The following EPHA2 variants were observed in gnomAD, a reference collection of about 807,000 sequenced individuals.
EPHA2 encodes the protein EPH receptor A2.
Under a neutral mutation model 104.9 loss-of-function variants are expected in EPHA2, and 54 were observed. The observed-to-expected ratio is 0.51, with a 90% CI of 0.41 to 0.65. The LOEUF (loss-of-function observed/expected upper bound fraction) is 0.65, where lower values mean the gene tolerates loss of function less well. Ranked by LOEUF, EPHA2 falls within the 30% of genes least tolerant of loss-of-function variation. The pLI, the probability that EPHA2 is intolerant of heterozygous loss-of-function variation, is 0.00. For synonymous variants in EPHA2, 560 were observed against 559.1 expected (o/e 1.00, Z -0.02); for missense variants, 1,117 against 1,369.5 (o/e 0.82, Z 2.91).
rs2124201005 is a variant in EPHA2 at position 16,132,223 on chromosome 1, G to A, written c.2166C>T (p.Gly722=). ...SVLQLVGMLR[G]IAAGMKYLAN... ...CCAGGTACTTCATGCCAGCTGCGAT[G>A]CCCCGCAGCATGCCCACCAGCTGCA... The change falls in exon 13 of 17, where the codon GGC becomes GGT. Residue 722 remains glycine (G), a synonymous_variant. Transcript: ENST00000358432. 6.2e-7 allele frequency: 1 copy of A among 1,614,206 alleles called. No individual in the cohort carries two copies. Among genetic ancestry groups the A allele is most frequent in the Non-Finnish European group, 8.5e-7 (1 of 1,180,036 alleles).
chr1:16,142,503 A>T (rs2024841545), intron 3 of EPHA2, among the ~76,000 whole-genome samples: 1 of 152,072 alleles, frequency 6.6e-6, no homozygotes, highest in African/African-American at 2.4e-5. Flanking sequence ...GGATGGATGG[A>T]TAGATGGGTG....
In EPHA2 at chr1:16,129,426, T is replaced by G; in HGVS notation, c.2825+8A>C. ...AGGCGAGGGGGGACGGAAAGGGGCC[T>G]GACTTACTCGTTGGTCATCTGCACC... is the stretch of plus-strand genomic sequence containing the variant. On this transcript the variant is annotated splice_region_variant and intron_variant, in intron 16 of 16. Coordinates refer to ENST00000358432, the MANE Select transcript of EPHA2 (RefSeq NM_004431.5). The G allele has an allele frequency of 1.9e-6, 3 of 1,612,306 alleles. No homozygotes were observed. Among genetic ancestry groups the G allele is most frequent in the Non-Finnish European group, 2.5e-6 (3 of 1,179,908 alleles).
chr1:16,154,800 C>T (rs1172576078), intron 1 of EPHA2, among the ~76,000 whole-genome samples: 1 of 151,060 alleles, frequency 6.6e-6, no homozygotes, highest in African/African-American at 2.4e-5. Context: ...TTCTCACCGG[C>T]CCAAGTTTCC....
At chr1:16,139,946 C>T (rs2024790885) in intron 3 of EPHA2, among the ~76,000 whole-genome samples, 1 of 152,164 alleles carries the variant, frequency 6.6e-6, no homozygotes, top group African/African-American at 2.4e-5. Context: ...CAACCTGGCC[C>T]CTAATGGCCT....
rs560221942 is a variant in EPHA2, at chr1:16,130,849, C to T, written c.2476-430G>A. Among the ~76,000 whole-genome samples, 3 of 152,036 alleles carry T rather than the reference C, an allele frequency of 2.0e-5. No individual in the cohort carries two copies. Among genetic ancestry groups the T allele is most frequent in the African/African-American group, 2.4e-5 (1 of 41,412 alleles). The stretch of plus-strand genomic sequence containing the variant: ...TTCGTCATGTTGTCCAGGCTGGTCT[C>T]GAACTCCTGAGCTCAAGCGATACTC... On this transcript the variant is annotated intron_variant, in intron 14 of 16. Transcript: ENST00000358432. The surrounding 1 kb of genome is among the most constrained non-coding windows in gnomAD (Gnocchi z 4.5).
intron 1 of EPHA2, among the ~76,000 whole-genome samples, chr1:16,152,096 G>T (rs2025049391): frequency 6.6e-6 from 1 of 152,204 alleles, no homozygotes; most frequent in Admixed American, 6.5e-5. Context: ...TATGCAAGAT[G>T]GATTCAGAGG....
chr1:16,131,158 A>G lies in EPHA2; in HGVS notation c.2475+563T>C, dbSNP rs1405082122. On this transcript the variant is annotated intron_variant, in intron 14 of 16. Coordinates refer to ENST00000358432, the MANE Select transcript of EPHA2 (RefSeq NM_004431.5). This position sits in a 1 kb window ranked among gnomAD's most constrained non-coding sequence, Gnocchi z 5.2. ...CATGCATGCATGCACATGTGCACAC[A>G]TACGGATGCACACACATGCATGGAC... 3.3e-5 allele frequency among the ~76,000 whole-genome samples: 5 copies of G among 152,288 alleles called. No homozygotes were observed. Among genetic ancestry groups the G allele is most frequent in the Middle Eastern group, 3.4e-3 (1 of 294 alleles).
chr1:16,153,027 C>G lies in EPHA2; in HGVS notation c.86-2064G>C, dbSNP rs1056953144. ...CCCGCTTCTCTGGAAAGGGTGGGAGCCTGGGAGCCCCTCGGCTGACCCAGA... is the reference window on the plus strand; with the variant it reads ...CCCGCTTCTCTGGAAAGGGTGGGAGGCTGGGAGCCCCTCGGCTGACCCAGA... On this transcript the variant is annotated intron_variant, in intron 1 of 16. Transcript: ENST00000358432. 1.7e-5 allele frequency: 12 copies of G among 703,702 alleles called. No homozygotes were observed. In the African/African-American group the frequency reaches 2.1e-4, roughly 12 times the overall value. The allele number at this position is 703,702 out of a possible 1,614,324, so 43.6% of individuals were successfully genotyped here.
Position 16,130,392 on chromosome 1 carries a change from G to A in EPHA2, c.2503C>T (p.Arg835Trp), listed in dbSNP as rs934195091. The change falls in exon 15 of 17, where the codon CGG becomes TGG. Residue 835 changes from arginine to tryptophan, a missense_variant. Physicochemically the swap from Arg to Trp is moderately radical, Grantham distance 101. Transcript: ENST00000358432. The surrounding 1 kb of genome is among the most constrained non-coding windows in gnomAD (Gnocchi z 4.5). ...EVMKAINDGF[R>W]LPTPMDCPSA... is the part of the protein sequence containing the mutation. ...GGGCAGTCCATGGGTGTGGGGAGCC[G>A]GAAGCCATCATTGATGGCTTTCATC... 1.3e-6 allele frequency: 2 copies of A among 1,548,882 alleles called. No individual in the cohort carries two copies. Among genetic ancestry groups the A allele is most frequent in the Non-Finnish European group, 1.7e-6 (2 of 1,144,244 alleles).
chr1:16,129,363 G>A (rs572373213), intron 16 of EPHA2, 71 bp downstream of exon 16: 2 of 1,552,058 alleles, frequency 1.3e-6, no homozygotes, highest in South Asian at 1.1e-5. Flanking sequence ...AAGAGGGCTG[G>A]GGGGGGCATG....
At position 16,130,161 on chromosome 1, in the gene EPHA2, G is replaced by A. The variant is rs774412352; in HGVS notation, c.2669+65C>T. ...GCTTCACCTGGGTGGCCACTCTACCGAAGTGGTTCAAGAGTCTGCAGAAGG... is the reference window on the plus strand; with the variant it reads ...GCTTCACCTGGGTGGCCACTCTACCAAAGTGGTTCAAGAGTCTGCAGAAGG... On this transcript the variant is annotated intron_variant, in intron 15 of 16. Transcript: ENST00000358432. This position sits in a 1 kb window ranked among gnomAD's most constrained non-coding sequence, Gnocchi z 4.5. 25 of 1,606,994 alleles carry A rather than the reference G, an allele frequency of 1.6e-5. No individual in the cohort carries two copies. The highest frequency in any genetic ancestry group is 2.0e-5 in the Non-Finnish European group (23 of 1,174,332).
chr1:16,149,090 G>A (rs751020391), intron 2 of EPHA2, 43 bp from the exon 3 acceptor site: 1 of 1,600,630 alleles, frequency 6.2e-7, no homozygotes, highest in Non-Finnish European at 8.5e-7. Flanking sequence ...GGTGCCTGGG[G>A]AAACTGAGGC....
chr1:16,132,314 C>T (rs1199044488), intron 12 of EPHA2, 41 bp from the exon 13 acceptor site: 2 of 1,614,042 alleles, frequency 1.2e-6, no homozygotes, highest in East Asian at 2.2e-5. Flanking sequence ...CAGCCCTGAA[C>T]CCGCCAGGCC....
rs2124205714 is a variant in EPHA2, at chr1:16,133,284, G to A, written c.1949C>T (p.Ala650Val). 1 of 1,613,892 alleles carries A rather than the reference G, an allele frequency of 6.2e-7. No individual in the cohort carries two copies. Among genetic ancestry groups the A allele is most frequent in the South Asian group, 1.1e-5 (1 of 91,086 alleles). Reference protein sequence around the residue: ...EVPVAIKTLKAGYTEKQRVDF... With the variant: ...EVPVAIKTLKVGYTEKQRVDF... ...CACTCGCTGCTTCTCTGTGTAGCCG[G>A]CTTTCAGCGTCTTGATGGCCACCGG... The change falls in exon 11 of 17, where the codon GCC (alanine) becomes GTC (valine). Residue 650 changes from alanine to valine, a missense_variant. Ala to Val is a moderately conservative substitution (Grantham distance 64, BLOSUM62 0). Around this residue, in one of 3 missense-constraint regions of EPHA2, gnomAD observed 340 missense variants for 480.5 expected, o/e 0.71. Transcript: ENST00000358432.
At chr1:16,152,839 C>T (rs2025068622) in intron 1 of EPHA2, among the ~76,000 whole-genome samples, 2 of 152,202 alleles carry the variant, frequency 1.3e-5, no homozygotes, top group Non-Finnish European at 2.9e-5. Flanking sequence ...AAAAGAAGCC[C>T]TCACACAGGA....
At position 16,138,118 on chromosome 1, in the gene EPHA2, C is replaced by A. The variant is rs374990703; in HGVS notation, c.1047G>T (p.Thr349=). The A allele has an allele frequency of 4.5e-5, 73 of 1,608,984 alleles. No homozygotes were observed. Among genetic ancestry groups the A allele is most frequent in the Non-Finnish European group, 6.1e-5 (72 of 1,179,674 alleles). Residue 349 remains threonine (T), a synonymous_variant, in exon 5 of 17, where the codon ACG becomes ACT. Transcript: ENST00000358432. ...GMGAKVELRW[T]PPQDSGGRED... Reference sequence around the variant, plus strand: ...CGCGGCCCCCGCTGTCCTGAGGGGGCGTCCAGCGCAGCTCCACCTTGGCAC... The same window carrying A: ...CGCGGCCCCCGCTGTCCTGAGGGGGAGTCCAGCGCAGCTCCACCTTGGCAC...
chr1:16,137,905 G>A lies in EPHA2; in HGVS notation c.1260C>T (p.Gly420=), dbSNP rs1396400665. The change falls in exon 5 of 17, where the codon GGC becomes GGT. Residue 420 remains glycine (G), a synonymous_variant. Transcript: ENST00000358432. ...TACGGAAGCTGCGGCTGGTTACCAG[G>A]CCTGAGACGCCATTGCGGGCCTCCA... The part of the protein sequence containing the change: ...FTVEARNGVS[G]LVTSRSFRTA... 8.7e-6 allele frequency: 14 copies of A among 1,613,946 alleles called. No homozygotes were observed. The highest frequency in any genetic ancestry group is 9.3e-6 in the Non-Finnish European group (11 of 1,180,026).
chr1:16,148,830 G>C lies in EPHA2; in HGVS notation c.371C>G (p.Ala124Gly). Residue 124 changes from alanine to glycine, a missense_variant, in exon 3 of 17, where the codon GCC becomes GGC. Ala to Gly is a moderately conservative substitution (Grantham distance 60). This residue lies in a region of EPHA2 where 664 missense variants were observed against 784.8 expected (regional missense o/e 0.85). Coordinates refer to ENST00000358432, the MANE Select transcript of EPHA2 (RefSeq NM_004431.5). The surrounding 1 kb of genome is among the most constrained non-coding windows in gnomAD (Gnocchi z 4.9). The stretch of plus-strand genomic sequence containing the variant: ...GGTGCCGTAGTCCAGGTCCGACTCG[G>C]CATAGTAGAGGTTGAAAGTCTCCTT... ...SCKETFNLYY[A>G]ESDLDYGTNF... The C allele has an allele frequency of 1.2e-6, 2 of 1,614,152 alleles. No individual in the cohort carries two copies. Among genetic ancestry groups the C allele is most frequent in the Non-Finnish European group, 1.7e-6 (2 of 1,180,046 alleles).
chr1:16,150,668 C>G lies in EPHA2; in HGVS notation c.153+228G>C, dbSNP rs1041102245. ...TTCTCTGTCTCCCCAGTTCCCCCCA[C>G]CTCTCAGGCTTACACCCACACCCTC... On this transcript the variant is annotated intron_variant, in intron 2 of 16. Transcript: ENST00000358432. This position sits in a 1 kb window ranked among gnomAD's most constrained non-coding sequence, Gnocchi z 4.8. Among the ~76,000 whole-genome samples the G allele has an allele frequency of 3.3e-5, 5 of 152,220 alleles. No homozygotes were observed. The highest frequency in any genetic ancestry group is 7.2e-5 in the African/African-American group (3 of 41,466).
Sources: gnomAD v4.1 joint callset for allele counts (sites outside exome capture counted in the v4.1 genomes callset) on GRCh38, gnomAD v4.1.1 for gene constraint, gnomAD v4.1.1 regional missense constraint, Gnocchi (gnomAD v3.1) non-coding constraint, MANE v1.5 for transcripts, NCBI Gene and HGNC (gene_info 2026-07-23, HGNC 2026-07-21) for gene names.